ZNG1B: variants seen among roughly 807,000 people sequenced by gnomAD.
The protein encoded by ZNG1B is Zn regulated GTPase metalloprotein activator 1B.
chr2:113,485,110 AG>A, the ZNG1B span, among the ~76,000 whole-genome samples: 5 of 145,152 alleles, frequency 3.4e-5, no homozygotes, highest in African/African-American at 1.3e-4. Context: ...TAGTCAAAGA[AG>A]GGGTAAGTGC....
At chr2:113,471,910 CT>C in the ZNG1B span, among the ~76,000 whole-genome samples, 4 of 149,898 alleles carry the variant, frequency 2.7e-5, no homozygotes, top group Admixed American at 2.7e-4. Flanking sequence ...GGTTCCAAGT[CT>C]TTGCTATTGT....
At chr2:113,439,232 C>T in the ZNG1B span, 1 of 1,471,002 alleles carries the variant, frequency 6.8e-7, no homozygotes, top group Non-Finnish European at 9.2e-7. Flanking sequence ...ACCATTTTCC[C>T]TTTCTGAAAC....
At chr2:113,475,952 C>G in the ZNG1B span, among the ~76,000 whole-genome samples, 64 of 152,210 alleles carry the variant, frequency 4.2e-4, no homozygotes, top group African/African-American at 1.5e-3. Context: ...TTTGGTGAAT[C>G]TGACAATTAT....
chr2:113,489,559 A>G, the ZNG1B span, among the ~76,000 whole-genome samples: 1 of 152,166 alleles, frequency 6.6e-6, no homozygotes, highest in Non-Finnish European at 1.5e-5. Context: ...GCTCCACTTA[A>G]AAGATACAGA....
the ZNG1B span, among the ~76,000 whole-genome samples, chr2:113,477,188 C>T: frequency 2.0e-5 from 3 of 152,212 alleles, no homozygotes; most frequent in African/African-American, 7.2e-5. Context: ...GGCGTGGGAC[C>T]CTCCGAGCCA....
At chr2:113,446,524 A>T in the ZNG1B span, among the ~76,000 whole-genome samples, 1 of 152,130 alleles carries the variant, frequency 6.6e-6, no homozygotes, top group South Asian at 2.1e-4. Flanking sequence ...AGGCAGGTGG[A>T]TCCCTTGAGG....
chr2:113,487,386 A>C, the ZNG1B span, among the ~76,000 whole-genome samples: 4 of 152,158 alleles, frequency 2.6e-5, no homozygotes, highest in African/African-American at 9.7e-5. Context: ...GTGGTAAAAA[A>C]CACTTAACAT....
the ZNG1B span, among the ~76,000 whole-genome samples, chr2:113,442,030 T>C: frequency 1.3e-5 from 2 of 152,176 alleles, no homozygotes; most frequent in African/African-American, 2.4e-5. Context: ...TGAGGCACCA[T>C]GCCTGGCCAA....
chr2:113,458,393 A>T, the ZNG1B span, among the ~76,000 whole-genome samples: 72 of 152,158 alleles, frequency 4.7e-4, no homozygotes, highest in African/African-American at 1.7e-3. Flanking sequence ...ATGGGCATAG[A>T]AGAGGACATT....
chr2:113,452,287 G>C, the ZNG1B span, among the ~76,000 whole-genome samples: 1 of 151,984 alleles, frequency 6.6e-6, no homozygotes, highest in Admixed American at 6.6e-5. Flanking sequence ...TTTCATTGTT[G>C]ACACCGAGTG....
the ZNG1B span, among the ~76,000 whole-genome samples, chr2:113,451,938 T>G: frequency 2.0e-5 from 3 of 151,930 alleles, no homozygotes; most frequent in Admixed American, 6.6e-5. Context: ...AATGACTTAT[T>G]GTTTGGAGTA....
the ZNG1B span, chr2:113,482,018 T>TC: frequency 1.0e-6 from 1 of 970,740 alleles, no homozygotes; most frequent in African/African-American, 1.7e-5. Context: ...TGCCAGCTTT[T>TC]CTCTATTGGA....
At chr2:113,452,861 C>T in the ZNG1B span, among the ~76,000 whole-genome samples, 5 of 147,242 alleles carry the variant, frequency 3.4e-5, no homozygotes, top group Non-Finnish European at 6.0e-5. Context: ...ATTATGGCAT[C>T]GGTAGAAGAA....
chr2:113,462,109 CTT>C, the ZNG1B span, among the ~76,000 whole-genome samples: 3 of 151,996 alleles, frequency 2.0e-5, no homozygotes, highest in East Asian at 5.8e-4. Context: ...CTTTTTGAGA[CTT>C]ATCTTTGTAG....
At chr2:113,487,118 A>C in the ZNG1B span, among the ~76,000 whole-genome samples, 1 of 152,218 alleles carries the variant, frequency 6.6e-6, no homozygotes, top group African/African-American at 2.4e-5. Flanking sequence ...CAGACTGCAT[A>C]AGATTACGAT....
At chr2:113,471,622 T>TCCCTCCC in the ZNG1B span, among the ~76,000 whole-genome samples, 1 of 130,382 alleles carries the variant, frequency 7.7e-6, no homozygotes, top group Non-Finnish European at 1.6e-5. Context: ...CCCAATGCTA[T>TCCCTCCC]CCCTCCCCCC....
At chr2:113,462,403 T>G in the ZNG1B span, 1 of 1,598,316 alleles carries the variant, frequency 6.3e-7, no homozygotes, top group South Asian at 1.1e-5. Flanking sequence ...TGTTTGCTAT[T>G]TTAGGCAAGT....
chr2:113,450,513 C>T, the ZNG1B span, among the ~76,000 whole-genome samples: 1 of 147,886 alleles, frequency 6.8e-6, no homozygotes, highest in African/African-American at 2.5e-5. Flanking sequence ...TCTGCTTCTT[C>T]TTGCTTTTGA....
At chr2:113,462,866 C>G in the ZNG1B span, 1 of 335,842 alleles carries the variant, frequency 3.0e-6, no homozygotes, top group East Asian at 4.7e-5. Flanking sequence ...ATAATGTATT[C>G]TCACTCTGCC....
Sources: gnomAD v4.1 joint callset for allele counts (sites outside exome capture counted in the v4.1 genomes callset) on GRCh38, gnomAD v4.1.1 for gene constraint, MANE v1.5 for transcripts, NCBI Gene and HGNC (gene_info 2026-07-23, HGNC 2026-07-21) for gene names.